Variants in CLMN observed in about 807,000 individuals in gnomAD.
CLMN encodes calmin, also known as calmin (calponin-like, transmembrane).
Under a neutral mutation model 92.7 loss-of-function variants are expected in CLMN, and 57 were observed. That is an observed-to-expected ratio of 0.61 (90% confidence interval 0.50 to 0.77). The LOEUF (loss-of-function observed/expected upper bound fraction) is 0.77. Ranked by LOEUF, CLMN falls within the 30% of genes least tolerant of loss-of-function variation. CLMN has a pLI of 0.00. For synonymous variants in CLMN, 466 were observed against 470.6 expected (o/e 0.99, Z 0.13); for missense variants, 1,158 against 1,237.5 (o/e 0.94, Z 0.96).
intron 1 of CLMN, among the ~76,000 whole-genome samples, chr14:95,252,106 G>A (rs1427865710): frequency 6.6e-6 from 1 of 152,192 alleles, no homozygotes; most frequent in Non-Finnish European, 1.5e-5. Context: ...CTTCTCCAAG[G>A]GGCCGGAAAT....
In CLMN at chr14:95,183,618, CGT is replaced by C. The variant is rs1245583921; in HGVS notation, c.*7944_*7945del. The C allele has an allele frequency of 6.6e-6, 1 of 152,134 alleles. No individual in the cohort carries two copies. Among genetic ancestry groups the C allele is most frequent in the Non-Finnish European group, 1.5e-5 (1 of 68,030 alleles). The allele number at this position is 152,134 out of a possible 1,614,324, so 9.4% of individuals were successfully genotyped here. On this transcript the variant is annotated 3_prime_UTR_variant, in exon 13 of 13. Transcript: ENST00000298912. Reference sequence around the variant, plus strand: ...GCCCAATTTCCTACTCTGTGAAGTACGTGTTAGAGGTGCAGAGATGAGCAGCT... The same window carrying C: ...GCCCAATTTCCTACTCTGTGAAGTACGTTAGAGGTGCAGAGATGAGCAGCT...
At chr14:95,221,835 C>T (rs1430390110) in intron 3 of CLMN, 61 bp from the exon 4 acceptor site, 2 of 1,487,480 alleles carry the variant, frequency 1.3e-6, no homozygotes, top group African/African-American at 2.8e-5. Context: ...TCCCAACACC[C>T]AGCGGTGCTG....
In CLMN at chr14:95,192,216, T is replaced by C. The variant is rs10139213; in HGVS notation, c.2841-484A>G. The C allele has an allele frequency of 9.8e-3, 1,497 of 152,968 alleles. 23 individuals are homozygous for C. The highest frequency in any genetic ancestry group is 0.034 in the African/African-American group (1,433 of 41,608). The allele number at this position is 152,968 out of a possible 1,614,324, so 9.5% of individuals were successfully genotyped here. On this transcript the variant is annotated intron_variant, in intron 12 of 12. Transcript: ENST00000298912. The stretch of plus-strand genomic sequence containing the variant: ...CATCTAAGGGATGAAGTGTCCCTAA[T>C]AGCAGATCATTTTAAATCATCTATC...
chr14:95,311,468 C>G (rs1901536563), intron 1 of CLMN, among the ~76,000 whole-genome samples: 1 of 152,062 alleles, frequency 6.6e-6, no homozygotes, highest in African/African-American at 2.4e-5. Context: ...CTGGTCAACA[C>G]CAAAATGACC....
chr14:95,215,279 C>T (rs1897302969), intron 5 of CLMN, among the ~76,000 whole-genome samples: 1 of 152,198 alleles, frequency 6.6e-6, no homozygotes, highest in Non-Finnish European at 1.5e-5. Flanking sequence ...TCTTTAATCA[C>T]CTCTAAGGAA....
chr14:95,255,489 T>G lies in CLMN; in HGVS notation c.83-25356A>C, dbSNP rs541866104. 1.1e-4 allele frequency among the ~76,000 whole-genome samples: 17 copies of G among 152,288 alleles called. No individual in the cohort carries two copies. The East Asian group carries it at 1.5e-3, about 14-fold the overall frequency. ...TATAAATTGAACTTTATCATACATA[T>G]GTATGTGCAGGAAAAAGCATAGTAC... is the stretch of plus-strand genomic sequence containing the variant. On this transcript the variant is annotated intron_variant, in intron 1 of 12. Coordinates refer to ENST00000298912, the MANE Select transcript of CLMN (RefSeq NM_024734.4).
At position 95,191,406 on chromosome 14, in the gene CLMN, G is replaced by GAA. The variant is rs540351557; in HGVS notation, c.*156_*157dup. On this transcript the variant is annotated 3_prime_UTR_variant, in exon 13 of 13. Coordinates refer to ENST00000298912, the MANE Select transcript of CLMN (RefSeq NM_024734.4). The surrounding 1 kb of genome is among the most constrained non-coding windows in gnomAD (Gnocchi z 5.3). ...GTTGTCCAGAAAAAAAAGGAAACCTGAAAAAAAAAAAAAAACCACAATAGC... is the reference window on the plus strand; with the variant it reads ...GTTGTCCAGAAAAAAAAGGAAACCTGAAAAAAAAAAAAAAAAACCACAATAGC... 0.023 allele frequency: 8,148 copies of GAA among 358,156 alleles called. 5 individuals carry two copies. The highest frequency in any genetic ancestry group is 0.071 in the East Asian group (1,670 of 23,508). 22.2% of individuals were successfully genotyped at this position (358,156 alleles called of 1,614,324 possible). A position where few individuals can be genotyped will look rare whatever the true frequency, so the allele number is the denominator to read the frequency against.
chr14:95,266,690 A>G (rs1899487572), intron 1 of CLMN, among the ~76,000 whole-genome samples: 4 of 152,216 alleles, frequency 2.6e-5, no homozygotes, highest in Admixed American at 2.6e-4. Context: ...ATATAAAAAA[A>G]TTCTAAAATT....
chr14:95,281,382 G>T (rs2883064), intron 1 of CLMN, among the ~76,000 whole-genome samples: 16,174 of 152,184 alleles, frequency 0.11, 1,002 homozygotes, highest in African/African-American at 0.17. Flanking sequence ...AAGTCATTTT[G>T]CAAACAAATC....
chr14:95,308,137 C>A (rs544845053), intron 1 of CLMN, among the ~76,000 whole-genome samples: 1 of 152,196 alleles, frequency 6.6e-6, no homozygotes, highest in African/African-American at 2.4e-5. Context: ...CAGATCCCCA[C>A]TCTTTTGAGA....
At chr14:95,237,906 A>G (rs1030358748) in intron 1 of CLMN, among the ~76,000 whole-genome samples, 1 of 152,174 alleles carries the variant, frequency 6.6e-6, no homozygotes, top group South Asian at 2.1e-4. Flanking sequence ...GATTCTTTCT[A>G]ACTGCAAGCG....
rs541412397 is a variant in CLMN, at chr14:95,231,312, T to A, written c.83-1179A>T. Among the ~76,000 whole-genome samples, 58 of 150,620 alleles carry A rather than the reference T, an allele frequency of 3.9e-4. 1 individual carries two copies. The highest frequency in any genetic ancestry group is 1.3e-3 in the African/African-American group (55 of 41,000). On this transcript the variant is annotated intron_variant, in intron 1 of 12. Transcript: ENST00000298912. ...CCCGGGTTCATGCCATTCTCCTGCC[T>A]CAGCCTCCAGAGTAGCTGGGACTAC...
chr14:95,317,768 T>C (rs1901857065), intron 1 of CLMN, among the ~76,000 whole-genome samples: 1 of 152,222 alleles, frequency 6.6e-6, no homozygotes, highest in East Asian at 1.9e-4. Context: ...ACTGGAAATC[T>C]ACATCTTGAT....
At chr14:95,193,629 C>T (rs558727136) in intron 12 of CLMN, among the ~76,000 whole-genome samples, 217 of 152,280 alleles carry the variant, frequency 1.4e-3, no homozygotes, top group Non-Finnish European at 2.7e-3. Flanking sequence ...TTTTCGGAAC[C>T]GGGCCCTAAC....
chr14:95,206,257 C>CAT (rs1464640416), intron 8 of CLMN, among the ~76,000 whole-genome samples: 33 of 151,916 alleles, frequency 2.2e-4, no homozygotes, highest in African/African-American at 8.0e-4. Flanking sequence ...ATAGCATCAA[C>CAT]ATATATTAAA....
intron 9 of CLMN, among the ~76,000 whole-genome samples, chr14:95,199,928 A>G (rs1896829838): frequency 6.6e-6 from 1 of 152,114 alleles, no homozygotes; most frequent in South Asian, 2.1e-4. Flanking sequence ...TAGAGCGGGA[A>G]GAGTCTTGGA....
chr14:95,292,510 A>T (rs981532655), intron 1 of CLMN, among the ~76,000 whole-genome samples: 2 of 139,014 alleles, frequency 1.4e-5, no homozygotes, highest in African/African-American at 5.2e-5. Context: ...GGTGTAAGTA[A>T]AAGCCTTACT....
In CLMN at chr14:95,194,502, G is replaced by C. The variant is rs1456870334; in HGVS notation, c.2769+34C>G. ...GATGGAAAGGAATTGATTAGCAGGGGCCGTGCGGAAAGAGAAGAAATTCAC... is the reference window on the plus strand; with the variant it reads ...GATGGAAAGGAATTGATTAGCAGGGCCCGTGCGGAAAGAGAAGAAATTCAC... On this transcript the variant is annotated intron_variant, in intron 11 of 12. Transcript: ENST00000298912. This position sits in a 1 kb window ranked among gnomAD's most constrained non-coding sequence, Gnocchi z 4.0. 1 of 1,613,930 alleles carries C rather than the reference G, an allele frequency of 6.2e-7. No individual in the cohort carries two copies.
chr14:95,265,894 C>T (rs1899453551), intron 1 of CLMN, among the ~76,000 whole-genome samples: 1 of 152,232 alleles, frequency 6.6e-6, no homozygotes, highest in Non-Finnish European at 1.5e-5. Flanking sequence ...CTCCACAACA[C>T]AATCCTCTTG....
Sources: allele counts gnomAD v4.1 joint callset (sites outside exome capture counted in the v4.1 genomes callset), GRCh38; gene constraint gnomAD v4.1.1; non-coding constraint Gnocchi (gnomAD v3.1); transcripts MANE v1.5; gene names NCBI Gene and HGNC (gene_info 2026-07-23, HGNC 2026-07-21).